EYA2: variants seen among roughly 807,000 people sequenced by gnomAD.
EYA2 encodes the protein protein phosphatase EYA2.
A neutral mutation model predicts 69.2 loss-of-function variants in EYA2; 31 were observed. The ratio of observed to expected loss-of-function variants is 0.45; its 90% CI spans 0.34 to 0.60. The LOEUF is 0.60. Ranked by LOEUF, EYA2 falls within the 20% of genes least tolerant of loss-of-function variation. The probability of loss-of-function intolerance (pLI) is 0.02; values close to 1 mark genes in which losing one functional copy is unlikely to be tolerated. For synonymous variants in EYA2, 257 were observed against 279.4 expected, an observed-to-expected ratio of 0.92 and a Z score of 0.80; for missense variants, 622 against 701.2, an observed-to-expected ratio of 0.89 and a Z score of 1.28.
chr20:47,130,261 C>CTTTTTTTTTTTTTTTTTTTTTT lies in EYA2; in HGVS notation c.889-12777_889-12776insTTTTTTTTTTTTTTTTTTTTTT, dbSNP rs74178703. On this transcript the variant is annotated intron_variant, in intron 9 of 15. Coordinates refer to ENST00000327619, the MANE Select transcript of EYA2 (RefSeq NM_005244.5). ...AAAGAAATAAAAGAAGGTTTATTTTCTTTTTTTTTTTTTTTTTTTTTGAGA... is the reference window on the plus strand; with the variant it reads ...AAAGAAATAAAAGAAGGTTTATTTTCTTTTTTTTTTTTTTTTTTTTTTTTTTTTTTTTTTTTTTTTTTTGAGA... Among the ~76,000 whole-genome samples the CTTTTTTTTTTTTTTTTTTTTTT allele has an allele frequency of 4.9e-5, 4 of 81,264 alleles. 2 individuals carry two copies. The highest frequency in any genetic ancestry group is 2.3e-4 in the African/African-American group (4 of 17,378). 53.3% of individuals were successfully genotyped at this position (81,264 alleles called of 152,430 possible). A position where few individuals can be genotyped will look rare whatever the true frequency, so the allele number is the denominator to read the frequency against.
intron 5 of EYA2, among the ~76,000 whole-genome samples, chr20:47,054,230 C>A (rs138543251): frequency 6.6e-6 from 1 of 152,010 alleles, no homozygotes; most frequent in Non-Finnish European, 1.5e-5. Context: ...CCAACTTGAC[C>A]CTGATGCCAC....
chr20:47,008,508 A>G (rs1982865491), intron 4 of EYA2, among the ~76,000 whole-genome samples: 1 of 152,198 alleles, frequency 6.6e-6, no homozygotes, highest in South Asian at 2.1e-4. Context: ...GAATACAATC[A>G]CACATAAGTT....
intron 10 of EYA2, chr20:47,161,389 G>A (rs554343893): frequency 3.3e-5 from 14 of 424,404 alleles, no homozygotes; most frequent in African/African-American, 2.9e-4. Flanking sequence ...GTCTGCTTTT[G>A]TACTGGCATG....
intron 2 of EYA2, among the ~76,000 whole-genome samples, chr20:46,992,115 A>G (rs2146331284): frequency 6.6e-6 from 1 of 152,174 alleles, no homozygotes; most frequent in South Asian, 2.1e-4. Flanking sequence ...ATGAGCACAT[A>G]CTTTCTGCCA....
chr20:46,978,772 C>T (rs1293434328), intron 1 of EYA2: 1 of 511,696 alleles, frequency 2.0e-6, no homozygotes, highest in African/African-American at 1.9e-5. Context: ...GTGGCTTGGA[C>T]CTGGGCGATG....
intron 4 of EYA2, among the ~76,000 whole-genome samples, chr20:47,015,408 G>A (rs1983348024): frequency 6.6e-6 from 1 of 152,198 alleles, no homozygotes; most frequent in African/African-American, 2.4e-5. Context: ...TGTAACTGTG[G>A]CCTTGGGATT....
intron 9 of EYA2, among the ~76,000 whole-genome samples, chr20:47,103,523 G>A (rs1008152799): frequency 2.6e-5 from 4 of 152,232 alleles, no homozygotes; most frequent in Admixed American, 1.3e-4. Flanking sequence ...AGTTCTGCGT[G>A]GCTGGAGAGG....
At chr20:46,967,557 G>C (rs1409991666) in intron 1 of EYA2, among the ~76,000 whole-genome samples, 1 of 152,158 alleles carries the variant, frequency 6.6e-6, no homozygotes, top group East Asian at 1.9e-4. Flanking sequence ...AACCTAAAGT[G>C]GGGTGAAGGG....
chr20:47,081,132 T>C (rs1208983318), intron 7 of EYA2, among the ~76,000 whole-genome samples: 1 of 152,162 alleles, frequency 6.6e-6, no homozygotes, highest in Non-Finnish European at 1.5e-5. Context: ...CCATTAATGC[T>C]CTTTCCTTTG....
intron 1 of EYA2, among the ~76,000 whole-genome samples, chr20:46,986,403 G>GATCTATATAATATATATATAATATATAA (rs2146321190): frequency 7.4e-6 from 1 of 134,844 alleles, no homozygotes; most frequent in South Asian, 2.3e-4. Context: ...ATAATATATA[G>GATCTATATAATATATATATAATATATAA]ATCTATATAA....
chr20:47,040,522 C>T (rs1347210111), intron 5 of EYA2, among the ~76,000 whole-genome samples: 1 of 152,196 alleles, frequency 6.6e-6, no homozygotes, highest in African/African-American at 2.4e-5. Context: ...GGGCTCAGCA[C>T]GGGGCCAGCC....
intron 1 of EYA2, among the ~76,000 whole-genome samples, chr20:46,966,584 G>A (rs1480969747): frequency 3.3e-5 from 5 of 152,144 alleles, no homozygotes; most frequent in Admixed American, 6.5e-5. Flanking sequence ...CGAGGTGGGC[G>A]GATCACGAGG....
chr20:46,949,951 G>A (rs1160566344), intron 1 of EYA2, among the ~76,000 whole-genome samples: 3 of 151,938 alleles, frequency 2.0e-5, no homozygotes, highest in Non-Finnish European at 4.4e-5. Context: ...CACAAGGATA[G>A]CATGACACAA....
chr20:47,010,346 T>C (rs989353027), intron 4 of EYA2, among the ~76,000 whole-genome samples: 31 of 74,034 alleles, frequency 4.2e-4, no homozygotes, highest in African/African-American at 1.8e-3. Context: ...GCAGGTGGGC[T>C]GGGGCTGCCT....
At chr20:47,029,232 T>A (rs576771881) in intron 5 of EYA2, among the ~76,000 whole-genome samples, 1 of 152,342 alleles carries the variant, frequency 6.6e-6, no homozygotes, top group South Asian at 2.1e-4. Context: ...ATGTGTCCTG[T>A]CTCAGCCACA....
chr20:47,111,117 G>A (rs2032736566), intron 9 of EYA2, among the ~76,000 whole-genome samples: 2 of 152,208 alleles, frequency 1.3e-5, no homozygotes, highest in African/African-American at 4.8e-5. Flanking sequence ...TAAATGACAG[G>A]TGCAGTTGGT....
At chr20:46,933,365 G>A (rs973408575) in intron 1 of EYA2, among the ~76,000 whole-genome samples, 9 of 152,198 alleles carry the variant, frequency 5.9e-5, no homozygotes, top group South Asian at 4.1e-4. Flanking sequence ...CAGCAGCAGC[G>A]TGGTGGCAGC....
intron 5 of EYA2, among the ~76,000 whole-genome samples, chr20:47,023,119 C>G (rs1438130908): frequency 1.3e-5 from 2 of 152,076 alleles, no homozygotes; most frequent in Non-Finnish European, 2.9e-5. Context: ...AATCTTTCTT[C>G]TACCCTCATG....
chr20:47,097,227 A>G (rs2032276036), intron 9 of EYA2, 59 bp downstream of exon 9: 1 of 1,370,052 alleles, frequency 7.3e-7, no homozygotes, highest in African/African-American at 1.5e-5. Flanking sequence ...TTGTCCAGCC[A>G]GTTTGTCCTG....
Sources: gnomAD v4.1 joint callset for allele counts (sites outside exome capture counted in the v4.1 genomes callset) on GRCh38, gnomAD v4.1.1 for gene constraint, MANE v1.5 for transcripts, NCBI Gene and HGNC (gene_info 2026-07-23, HGNC 2026-07-21) for gene names.